NRF1: variants seen among roughly 807,000 people sequenced by gnomAD.
NRF1 encodes alpha palindromic-binding protein.
In NRF1, 5 loss-of-function variants were observed where a neutral mutation model predicts 58.5. The observed-to-expected ratio is 0.09, with a 90% CI of 0.04 to 0.18. The LOEUF is 0.18. NRF1 is among the 10% of genes least tolerant of loss of function. The probability of loss-of-function intolerance (pLI) is 1.00; values close to 1 mark genes in which losing one functional copy is unlikely to be tolerated. For synonymous variants in NRF1, 224 were observed against 246.7 expected (o/e 0.91, Z 0.86); for missense variants, 288 against 657.7 (o/e 0.44, Z 6.15).
At chr7:129,626,097 G>A (rs1330126314) in intron 1 of NRF1, among the ~76,000 whole-genome samples, 2 of 152,178 alleles carry the variant, frequency 1.3e-5, no homozygotes, top group East Asian at 3.8e-4. Context: ...TGGGATTACA[G>A]GCATGAGCCA....
chr7:129,720,963 T>TA (rs1350884932), intron 9 of NRF1, among the ~76,000 whole-genome samples: 4 of 152,054 alleles, frequency 2.6e-5, no homozygotes, highest in East Asian at 3.8e-4. Context: ...ATCACAGCTT[T>TA]AAAAAAATTT....
At chr7:129,623,607 G>C (rs1490130889) in intron 1 of NRF1, among the ~76,000 whole-genome samples, 1 of 151,998 alleles carries the variant, frequency 6.6e-6, no homozygotes, top group East Asian at 1.9e-4. Flanking sequence ...CAATTTTCCT[G>C]CCTACTCATT....
intron 1 of NRF1, among the ~76,000 whole-genome samples, chr7:129,642,737 A>G (rs766945951): frequency 6.7e-6 from 1 of 149,528 alleles, no homozygotes; most frequent in Non-Finnish European, 1.5e-5. Context: ...TCACTTCTAA[A>G]AGAATACATT....
At chr7:129,615,491 A>AT (rs2151052461) in intron 1 of NRF1, among the ~76,000 whole-genome samples, 1 of 152,320 alleles carries the variant, frequency 6.6e-6, no homozygotes, top group African/African-American at 2.4e-5. Flanking sequence ...CAAATCTTTG[A>AT]TTTTGTAAAA....
At chr7:129,723,607 A>G (rs188811157) in intron 9 of NRF1, among the ~76,000 whole-genome samples, 149 of 152,226 alleles carry the variant, frequency 9.8e-4, no homozygotes, top group Non-Finnish European at 1.9e-3. Context: ...TCTGTCATGA[A>G]AAATGTAAAG....
chr7:129,629,312 C>CT (rs1252227571), intron 1 of NRF1, among the ~76,000 whole-genome samples: 1 of 143,910 alleles, frequency 6.9e-6, no homozygotes, highest in Non-Finnish European at 1.5e-5. Context: ...GAGTCTTGCT[C>CT]TTGTCACCCA....
chr7:129,723,474 G>A (rs970116296), intron 9 of NRF1, among the ~76,000 whole-genome samples: 21 of 152,030 alleles, frequency 1.4e-4, no homozygotes, highest in Middle Eastern at 6.8e-3. Flanking sequence ...TTTCCCAGTG[G>A]TTGGTAGTAG....
intron 4 of NRF1, 132 bp from the exon 5 acceptor site, chr7:129,690,274 T>C: frequency 7.7e-6 from 6 of 777,818 alleles, no homozygotes; most frequent in East Asian, 5.2e-5. Context: ...TTTTATTTGC[T>C]TGTAGAAGTG....
intron 4 of NRF1, among the ~76,000 whole-genome samples, chr7:129,679,470 C>G (rs1453834200): frequency 6.6e-6 from 1 of 152,138 alleles, no homozygotes; most frequent in Non-Finnish European, 1.5e-5. Flanking sequence ...ATAAAGAATT[C>G]TTACAACTCA....
At chr7:129,643,386 G>A (rs1164514828) in intron 1 of NRF1, among the ~76,000 whole-genome samples, 1 of 152,190 alleles carries the variant, frequency 6.6e-6, no homozygotes, top group Non-Finnish European at 1.5e-5. Context: ...AGACTGGGGG[G>A]CGGGACTTGT....
intron 2 of NRF1, among the ~76,000 whole-genome samples, chr7:129,669,166 C>CA (rs1584625078): frequency 6.6e-6 from 1 of 152,156 alleles, no homozygotes; most frequent in Non-Finnish European, 1.5e-5. Context: ...AGGCTGGTCT[C>CA]AAACTCCTGA....
At chr7:129,713,348 C>T (rs1448055880) in intron 8 of NRF1, among the ~76,000 whole-genome samples, 1 of 152,084 alleles carries the variant, frequency 6.6e-6, no homozygotes, top group Non-Finnish European at 1.5e-5. Context: ...CTTGGCCTCC[C>T]AAAGTGCTAG....
chr7:129,618,049 A>G lies in NRF1; in HGVS notation c.-7+6225A>G, dbSNP rs12534971. ...GAGTAGGACATCCACTATGGTTTTT[A>G]AAAAGATGACATGTAAAGATTTGAC... On this transcript the variant is annotated intron_variant, in intron 1 of 10. Transcript: ENST00000393232. 2.2e-3 allele frequency among the ~76,000 whole-genome samples: 341 copies of G among 152,338 alleles called. 2 individuals are homozygous for G. The highest frequency in any genetic ancestry group is 5.2e-3 in the Admixed American group (80 of 15,302).
At chr7:129,655,549 C>T (rs1801634744) in intron 1 of NRF1, among the ~76,000 whole-genome samples, 1 of 151,786 alleles carries the variant, frequency 6.6e-6, no homozygotes, top group South Asian at 2.1e-4. Flanking sequence ...AGAGTCCCGC[C>T]GTTGCTGTGT....
Position 129,642,776 on chromosome 7 carries a change from T to A in NRF1, c.-6-14570T>A, listed in dbSNP as rs535903752. ...TAAAAAATTTTTTTTTTTTTTTTTT[T>A]AAATGAGATAGGGTCCCATTGTTTT... is the stretch of plus-strand genomic sequence containing the variant. On this transcript the variant is annotated intron_variant, in intron 1 of 10. Transcript: ENST00000393232. Among the ~76,000 whole-genome samples, 156 of 137,134 alleles carry A rather than the reference T, an allele frequency of 1.1e-3. 11 individuals carry two copies. The South Asian group carries it at 0.022, about 19-fold the overall frequency. 90.0% of individuals were successfully genotyped at this position (137,134 alleles called of 152,430 possible).
chr7:129,752,324 CAA>C (rs1804137887), intron 10 of NRF1, among the ~76,000 whole-genome samples: 1 of 143,108 alleles, frequency 7.0e-6, no homozygotes, highest in African/African-American at 2.6e-5. Context: ...AGCAAAGGCC[CAA>C]AAGAGTGTGG....
At chr7:129,702,571 A>T (rs1455518605) in intron 5 of NRF1, among the ~76,000 whole-genome samples, 1 of 152,224 alleles carries the variant, frequency 6.6e-6, no homozygotes, top group African/African-American at 2.4e-5. Context: ...AGGGCAAATG[A>T]ATCACTTTGC....
chr7:129,626,423 A>T (rs1283891813), intron 1 of NRF1, among the ~76,000 whole-genome samples: 1 of 152,198 alleles, frequency 6.6e-6, no homozygotes, highest in Non-Finnish European at 1.5e-5. Flanking sequence ...ATCTGTAGCC[A>T]CATCATAAGA....
At position 129,756,798 on chromosome 7, in the gene NRF1, T is replaced by C. The variant is rs1211211579; in HGVS notation, c.*1617T>C. ...ACTATCTAATGTTCTTTATATGTTC[T>C]TTTCTGTACGTAATGGGGGGAGGGG... is the stretch of plus-strand genomic sequence containing the variant. On this transcript the variant is annotated 3_prime_UTR_variant, in exon 11 of 11. Coordinates refer to ENST00000393232, the MANE Select transcript of NRF1 (RefSeq NM_005011.5). The C allele has an allele frequency of 6.6e-6, 1 of 152,648 alleles. No homozygotes were observed. Among genetic ancestry groups the C allele is most frequent in the Non-Finnish European group, 1.5e-5 (1 of 68,036 alleles). 9.5% of individuals were successfully genotyped at this position (152,648 alleles called of 1,614,324 possible).
Sources: gnomAD v4.1 joint callset for allele counts (sites outside exome capture counted in the v4.1 genomes callset) on GRCh38, gnomAD v4.1.1 for gene constraint, MANE v1.5 for transcripts, NCBI Gene and HGNC (gene_info 2026-07-23, HGNC 2026-07-21) for gene names.